The following TNRC6C variants were observed in gnomAD, a reference collection of about 807,000 sequenced individuals.
TNRC6C encodes trinucleotide repeat containing adaptor 6C.
In TNRC6C, 20 loss-of-function variants were observed where a neutral mutation model predicts 153.7. The observed-to-expected ratio is 0.13, with a 90% confidence interval of 0.09 to 0.19. The LOEUF is 0.19. TNRC6C is among the 10% of genes least tolerant of loss of function. The probability of loss-of-function intolerance (pLI) is 1.00; values close to 1 mark genes in which losing one functional copy is unlikely to be tolerated. For missense variants in TNRC6C, 1,987 were observed against 2,172.0 expected, an observed-to-expected ratio of 0.91 and a Z score of 1.69; for synonymous variants, 811 against 841.4, an observed-to-expected ratio of 0.96 and a Z score of 0.63.
At chr17:78,101,576 G>A (rs944681082) in intron 17 of TNRC6C, among the ~76,000 whole-genome samples, 2 of 152,070 alleles carry the variant, frequency 1.3e-5, no homozygotes, top group Non-Finnish European at 2.9e-5. Context: ...GTGGGAAATC[G>A]GGGGTCTCAC....
chr17:77,966,504 A>G (rs2070897736), intron 1 of TNRC6C, among the ~76,000 whole-genome samples: 1 of 151,644 alleles, frequency 6.6e-6, no homozygotes, highest in Non-Finnish European at 1.5e-5. Flanking sequence ...TAAGAGGCAT[A>G]GGGTACTTAC....
rs377052590 is a variant in TNRC6C at position 77,975,160 on chromosome 17, C to T, written c.-38+15892C>T. On this transcript the variant is annotated intron_variant, in intron 1 of 22. Transcript: ENST00000636222. Reference sequence around the variant, plus strand: ...CATCTTTTGCTGGTGGCCATGAAAACAGGTGTAAATACCTTCAGGTGGTGA... The same window carrying T: ...CATCTTTTGCTGGTGGCCATGAAAATAGGTGTAAATACCTTCAGGTGGTGA... 5.3e-5 allele frequency among the ~76,000 whole-genome samples: 8 copies of T among 152,066 alleles called. No individual in the cohort carries two copies. The East Asian group carries it at 5.8e-4, about 11-fold the overall frequency.
intron 18 of TNRC6C, 69 bp downstream of exon 21, chr17:78,102,613 A>G: frequency 6.7e-7 from 1 of 1,483,374 alleles, no homozygotes. Context: ...CCCAATGCAG[A>G]TGAGGCTGTC....
chr17:77,960,171 C>G (rs1444667362), intron 1 of TNRC6C, among the ~76,000 whole-genome samples: 1 of 152,152 alleles, frequency 6.6e-6, no homozygotes, highest in African/African-American at 2.4e-5. Context: ...AAACCTTTGC[C>G]TCCGCCAAAT....
intron 1 of TNRC6C, among the ~76,000 whole-genome samples, chr17:78,010,151 A>C (rs1359783198): frequency 6.6e-6 from 1 of 152,246 alleles, no homozygotes; most frequent in Non-Finnish European, 1.5e-5. Flanking sequence ...CTGGGATTAC[A>C]GGCTTGAGCC....
At chr17:78,011,574 C>CTTCAT (rs1371605059) in intron 1 of TNRC6C, among the ~76,000 whole-genome samples, 1 of 152,176 alleles carries the variant, frequency 6.6e-6, no homozygotes, top group African/African-American at 2.4e-5. Flanking sequence ...TATTTATCCT[C>CTTCAT]TTCATTCTCC....
At chr17:78,096,421 A>G (rs1481138842) in intron 16 of TNRC6C, among the ~76,000 whole-genome samples, 1 of 152,228 alleles carries the variant, frequency 6.6e-6, no homozygotes, top group Non-Finnish European at 1.5e-5. Context: ...CAAAATAAAA[A>G]TTGGAAAAAA....
chr17:78,086,328 T>TAAAAAAAA (rs58348772), intron 11 of TNRC6C, among the ~76,000 whole-genome samples, 175 bp from the exon 14 acceptor site: 2 of 53,372 alleles, frequency 3.7e-5, no homozygotes, highest in African/African-American at 5.9e-5. Context: ...AGACTCCATC[T>TAAAAAAAA]AAAAAAAAAA....
At chr17:78,078,692 A>C (rs1367304451) in intron 9 of TNRC6C, among the ~76,000 whole-genome samples, 1 of 152,102 alleles carries the variant, frequency 6.6e-6, no homozygotes, top group Non-Finnish European at 1.5e-5. Context: ...GGGCCGAACG[A>C]GGTGGCTCAC....
Position 78,104,830 on chromosome 17 carries a change from C to T in TNRC6C, c.5058C>T (p.Ser1686=), listed in dbSNP as rs867899224. ...CCCTGCTGCCTGGGGACCTGCTCAG[C>T]GGGGAGTCCCTGTAGGCTCTGCCAT... Residue 1686 remains serine (S), a synonymous_variant, in exon 20 of 20, where the codon AGC becomes AGT. Coordinates refer to ENST00000301624, the Ensembl canonical transcript of TNRC6C. This position sits in a 1 kb window ranked among gnomAD's most constrained non-coding sequence, Gnocchi z 6.2. 3 of 1,438,242 alleles carry T rather than the reference C, an allele frequency of 2.1e-6. No homozygotes were observed. The highest frequency in any genetic ancestry group is 1.5e-5 in the South Asian group (1 of 68,164). 89.1% of individuals were successfully genotyped at this position (1,438,242 alleles called of 1,614,324 possible).
intron 10 of TNRC6C, among the ~76,000 whole-genome samples, chr17:78,080,584 G>T (rs535197151): frequency 2.0e-5 from 3 of 152,236 alleles, no homozygotes; most frequent in Admixed American, 6.5e-5. Context: ...ACAATTTTAG[G>T]CTTTGGACCA....
chr17:78,094,543 A>C (rs2073450300), intron 16 of TNRC6C, among the ~76,000 whole-genome samples: 1 of 150,436 alleles, frequency 6.6e-6, no homozygotes, highest in African/African-American at 2.5e-5. Context: ...GGCTCAAGTG[A>C]TTCTCATGCC....
At chr17:78,087,962 G>GCACTT (rs2073326553) in intron 13 of TNRC6C, among the ~76,000 whole-genome samples, 1 of 152,192 alleles carries the variant, frequency 6.6e-6, no homozygotes, top group Admixed American at 6.5e-5. Context: ...GTTAGTGAAA[G>GCACTT]CACTTTAGGC....
Position 77,968,915 on chromosome 17 carries a change from G to A in TNRC6C, c.-38+9647G>A, listed in dbSNP as rs1386497605. Reference sequence around the variant, plus strand: ...CTTGCCCTCCTGAAACTGCACTTGAGAGTTGGGAGTAGAGAGAGACCTGGT... The same window carrying A: ...CTTGCCCTCCTGAAACTGCACTTGAAAGTTGGGAGTAGAGAGAGACCTGGT... On this transcript the variant is annotated intron_variant, in intron 1 of 22. Transcript: ENST00000636222. Among the ~76,000 whole-genome samples the A allele has an allele frequency of 2.0e-5, 3 of 152,146 alleles. No homozygotes were observed. The East Asian group carries it at 5.8e-4, about 29-fold the overall frequency.
chr17:78,076,152 G>T (rs908846466), intron 8 of TNRC6C, among the ~76,000 whole-genome samples: 9 of 151,768 alleles, frequency 5.9e-5, no homozygotes, highest in African/African-American at 1.9e-4. Context: ...GGAGGCGGAG[G>T]TTGCAGTAAG....
At chr17:78,003,617 ATGT>A (rs1298910620), upstream of TNRC6C, among the ~76,000 whole-genome samples, 9 of 152,236 alleles carry the variant, frequency 5.9e-5, no homozygotes, top group Non-Finnish European at 1.0e-4. Flanking sequence ...GAGATTCAAT[ATGT>A]TGTTATTTAG....
upstream of TNRC6C, among the ~76,000 whole-genome samples, chr17:77,999,380 A>C (rs1287520823): frequency 6.6e-6 from 1 of 152,242 alleles, no homozygotes; most frequent in Non-Finnish European, 1.5e-5. Context: ...ACCCCCACAC[A>C]GATTGCCTTC....
chr17:77,969,654 C>T (rs1268100598), intron 1 of TNRC6C, among the ~76,000 whole-genome samples: 1 of 151,744 alleles, frequency 6.6e-6, no homozygotes, highest in Non-Finnish European at 1.5e-5. Flanking sequence ...TTATAAGAAT[C>T]GTTATTTATA....
At chr17:77,993,625 C>CT (rs1289879807) in intron 1 of TNRC6C, among the ~76,000 whole-genome samples, 2 of 151,450 alleles carry the variant, frequency 1.3e-5, no homozygotes, top group African/African-American at 2.4e-5. Flanking sequence ...TAATTAGAAC[C>CT]TTTTTTTTTC....
Sources: gnomAD v4.1 joint callset for allele counts (sites outside exome capture counted in the v4.1 genomes callset) on GRCh38, gnomAD v4.1.1 for gene constraint, Gnocchi (gnomAD v3.1) non-coding constraint, MANE v1.5 for transcripts, NCBI Gene and HGNC (gene_info 2026-07-23, HGNC 2026-07-21) for gene names.